HSD17B12: variants seen among roughly 807,000 people sequenced by gnomAD.
The protein encoded by HSD17B12 is hydroxysteroid 17-beta dehydrogenase 12, also known as very-long-chain 3-oxoacyl-CoA reductase.
In HSD17B12, 32 loss-of-function variants were observed where a neutral mutation model predicts 39.3. That is an observed-to-expected ratio of 0.81 (90% CI 0.61 to 1.09). The LOEUF (loss-of-function observed/expected upper bound fraction) is 1.09. Among genes scored for constraint, HSD17B12 ranks in the 50% least tolerant of loss-of-function variants. HSD17B12 has a pLI of 0.00. For missense variants in HSD17B12, 342 were observed against 382.9 expected (o/e 0.89, Z 0.89); for synonymous variants, 150 against 146.7 (o/e 1.02, Z -0.16).
intron 1 of HSD17B12, among the ~76,000 whole-genome samples, chr11:43,741,993 CA>C (rs1390327072): frequency 2.0e-5 from 3 of 150,418 alleles, no homozygotes; most frequent in Non-Finnish European, 1.5e-5. Flanking sequence ...CTCGGCCTCC[CA>C]AAGTGCTGGG....
At chr11:43,572,568 T>C in the HSD17B12 span, among the ~76,000 whole-genome samples, 12 of 152,310 alleles carry the variant, frequency 7.9e-5, no homozygotes, top group African/African-American at 2.9e-4. Context: ...TTAGACAAGC[T>C]GTTTAAACGT....
At chr11:43,763,013 T>C (rs1950566805) in intron 3 of HSD17B12, among the ~76,000 whole-genome samples, 1 of 152,208 alleles carries the variant, frequency 6.6e-6, no homozygotes, top group Admixed American at 6.5e-5. Flanking sequence ...AGAGCTGAAC[T>C]AATTAAAGAT....
At chr11:43,619,987 A>G in the HSD17B12 span, among the ~76,000 whole-genome samples, 2 of 152,190 alleles carry the variant, frequency 1.3e-5, no homozygotes, top group Non-Finnish European at 2.9e-5. Context: ...TCCACTGGTT[A>G]AAAGGGAAAA....
the HSD17B12 span, among the ~76,000 whole-genome samples, chr11:43,612,130 T>C: frequency 6.6e-6 from 1 of 152,220 alleles, no homozygotes; most frequent in Non-Finnish European, 1.5e-5. Context: ...GAAAAGATGG[T>C]CACTCCTTTG....
At chr11:43,768,598 C>T (rs1244533484) in intron 3 of HSD17B12, among the ~76,000 whole-genome samples, 1 of 152,162 alleles carries the variant, frequency 6.6e-6, no homozygotes. Flanking sequence ...GAATTTATTC[C>T]TTCTGGTGGG....
chr11:43,649,826 A>T, the HSD17B12 span, among the ~76,000 whole-genome samples: 1 of 152,226 alleles, frequency 6.6e-6, no homozygotes, highest in Admixed American at 6.5e-5. Context: ...GCCTTTTGGA[A>T]GCTGACCACT....
chr11:43,676,912 T>C (rs1334748578), upstream of HSD17B12, among the ~76,000 whole-genome samples: 2 of 152,156 alleles, frequency 1.3e-5, no homozygotes, highest in African/African-American at 4.8e-5. Flanking sequence ...GCCTTGTTGG[T>C]GAGCAATGAT....
chr11:43,700,941 C>T (rs6485447), intron 1 of HSD17B12, among the ~76,000 whole-genome samples: 74,436 of 152,032 alleles, frequency 0.49, 18,666 homozygotes, highest in Non-Finnish European at 0.53. Flanking sequence ...TACTAATTTA[C>T]ATTCCCACCA....
At chr11:43,661,920 CA>C in the HSD17B12 span, among the ~76,000 whole-genome samples, 1 of 152,014 alleles carries the variant, frequency 6.6e-6, no homozygotes, top group East Asian at 1.9e-4. Context: ...GTTGAAAGAA[CA>C]AAAATAATTC....
intron 5 of HSD17B12, among the ~76,000 whole-genome samples, chr11:43,815,859 G>C (rs564782363): frequency 2.0e-5 from 3 of 152,268 alleles, no homozygotes; most frequent in East Asian, 3.9e-4. Flanking sequence ...CTTAAAAATT[G>C]TAAGTATGTT....
chr11:43,595,077 A>G, the HSD17B12 span, among the ~76,000 whole-genome samples: 10 of 152,310 alleles, frequency 6.6e-5, no homozygotes, highest in Non-Finnish European at 8.8e-5. Flanking sequence ...AATATTAACT[A>G]TAAATAAAGG....
chr11:43,628,133 C>G, the HSD17B12 span, among the ~76,000 whole-genome samples: 4 of 151,470 alleles, frequency 2.6e-5, no homozygotes, highest in African/African-American at 9.7e-5. Flanking sequence ...TAACTTACCC[C>G]CAATAAAAAT....
chr11:43,848,664 G>T (rs1368310013), intron 9 of HSD17B12: 1 of 152,196 alleles, frequency 6.6e-6, no homozygotes, highest in Non-Finnish European at 1.5e-5. Context: ...TACAGAGGAA[G>T]AAACTAAGGC....
the HSD17B12 span, among the ~76,000 whole-genome samples, chr11:43,599,716 CA>C: frequency 6.6e-6 from 1 of 152,112 alleles, no homozygotes. Context: ...ATGATTTTAA[CA>C]ATTTCCTAGG....
chr11:43,797,807 T>C (rs187431475), intron 3 of HSD17B12, among the ~76,000 whole-genome samples: 190 of 152,352 alleles, frequency 1.2e-3, no homozygotes, highest in Non-Finnish European at 1.9e-3. Context: ...TAGTGATTAT[T>C]AACTATTAAC....
chr11:43,618,852 T>C, the HSD17B12 span, among the ~76,000 whole-genome samples: 1 of 152,034 alleles, frequency 6.6e-6, no homozygotes, highest in African/African-American at 2.4e-5. Flanking sequence ...CTAAGCTGAA[T>C]TGGTATTGGT....
At chr11:43,652,864 A>G in the HSD17B12 span, among the ~76,000 whole-genome samples, 1 of 152,100 alleles carries the variant, frequency 6.6e-6, no homozygotes, top group Non-Finnish European at 1.5e-5. Flanking sequence ...GTGTGGAAAT[A>G]TGAATGGATA....
At chr11:43,726,614 T>C (rs1422645653) in intron 1 of HSD17B12, among the ~76,000 whole-genome samples, 4 of 152,206 alleles carry the variant, frequency 2.6e-5, no homozygotes, top group Non-Finnish European at 5.9e-5. Context: ...GAGTGTCTTT[T>C]GTTGTTTGTT....
At chr11:43,774,197 T>G (rs982295040) in intron 3 of HSD17B12, among the ~76,000 whole-genome samples, 2 of 152,036 alleles carry the variant, frequency 1.3e-5, no homozygotes, top group African/African-American at 4.8e-5. Flanking sequence ...AAAACCAAGA[T>G]GTTTTATGTA....
Sources: allele counts gnomAD v4.1 joint callset (sites outside exome capture counted in the v4.1 genomes callset), GRCh38; gene constraint gnomAD v4.1.1; transcripts MANE v1.5; gene names NCBI Gene and HGNC (gene_info 2026-07-23, HGNC 2026-07-21).